Variants in PATL2 observed in about 807,000 individuals in gnomAD.
PATL2 encodes PAT1 homolog 2.
A neutral mutation model predicts 77.0 loss-of-function variants in PATL2; 73 were observed. The observed-to-expected ratio is 0.95, with a 90% CI of 0.78 to 1.15. The LOEUF is 1.15. Ranked by LOEUF, PATL2 falls within the 50% of genes most tolerant of loss-of-function variation. The probability of loss-of-function intolerance (pLI) is 0.00; values close to 1 mark genes in which losing one functional copy is unlikely to be tolerated. For missense variants in PATL2, 618 were observed against 655.4 expected (o/e 0.94, Z 0.62); for synonymous variants, 265 against 257.1 (o/e 1.03, Z -0.29).
At position 44,666,558 on chromosome 15, in the gene PATL2, T is replaced by C. The variant is rs1247118393; in HGVS notation, c.1464-17A>G. On this transcript the variant is annotated splice_polypyrimidine_tract_variant and intron_variant, in intron 16 of 17. Coordinates refer to ENST00000682850, the MANE Select transcript of PATL2 (RefSeq NM_001387263.1). Reference sequence around the variant, plus strand: ...ATGTCTGTCCTAGAGAGCATAAATATAAATATAAGCAAATAGATTTGCTTA... The same window carrying C: ...ATGTCTGTCCTAGAGAGCATAAATACAAATATAAGCAAATAGATTTGCTTA... The C allele has an allele frequency of 4.7e-6, 7 of 1,498,508 alleles. No individual in the cohort carries two copies. Among genetic ancestry groups the C allele is most frequent in the Non-Finnish European group, 5.3e-6 (6 of 1,124,998 alleles). 92.8% of individuals were successfully genotyped at this position (1,498,508 alleles called of 1,614,324 possible). A position where few individuals can be genotyped will look rare whatever the true frequency, so the allele number is the denominator to read the frequency against.
intron 3 of PATL2, among the ~76,000 whole-genome samples, chr15:44,678,848 CTT>C (rs1427969939): frequency 1.3e-5 from 2 of 152,014 alleles, no homozygotes; most frequent in African/African-American, 4.8e-5. Flanking sequence ...ATAAAACACT[CTT>C]TTATGGGGAG....
At chr15:44,674,860 C>G (rs1566855951) in intron 5 of PATL2, 1 of 152,078 alleles carries the variant, frequency 6.6e-6, no homozygotes, top group African/African-American at 2.4e-5. Flanking sequence ...TAAGCCACTG[C>G]CCCTGGCCAG....
At chr15:44,670,537 A>C (rs901183902) in intron 9 of PATL2, among the ~76,000 whole-genome samples, 3 of 152,272 alleles carry the variant, frequency 2.0e-5, no homozygotes, top group African/African-American at 7.2e-5. Flanking sequence ...CATTCCAGAA[A>C]TGATGCTGGC....
intron 3 of PATL2, among the ~76,000 whole-genome samples, chr15:44,703,153 G>A (rs551803237): frequency 1.1e-4 from 16 of 152,194 alleles, no homozygotes; most frequent in Admixed American, 5.2e-4. Flanking sequence ...GTGAGCACCC[G>A]TAGTCCCAGC....
intron 3 of PATL2, among the ~76,000 whole-genome samples, chr15:44,692,433 T>C (rs12594463): frequency 0.081 from 12,338 of 152,216 alleles, 1,231 homozygotes; most frequent in East Asian, 0.23. Context: ...GCTCTGTTGG[T>C]ACCTGCATCA....
At chr15:44,666,341 A>G (rs2085367778) in intron 17 of PATL2, 51 bp downstream of exon 17, 1 of 1,543,904 alleles carries the variant, frequency 6.5e-7, no homozygotes, top group South Asian at 1.2e-5. Context: ...GTAACAGAAC[A>G]TAGATTGGGC....
chr15:44,665,909 T>C lies in PATL2; in HGVS notation c.*44A>G, dbSNP rs2085344839. On this transcript the variant is annotated 3_prime_UTR_variant, in exon 18 of 18. Transcript: ENST00000682850. ...AAACATAGTCTATGTAGCTAGTGTC[T>C]GATGATTCAACTTCCCACATACACG... 3 of 1,550,704 alleles carry C rather than the reference T, an allele frequency of 1.9e-6. No individual in the cohort carries two copies. In the East Asian group the frequency reaches 7.3e-5, roughly 38 times the overall value.
intron 4 of PATL2, 82 bp downstream of exon 4, chr15:44,676,393 A>G (rs1443428162): frequency 8.1e-7 from 1 of 1,228,930 alleles, no homozygotes; most frequent in African/African-American, 1.5e-5. Flanking sequence ...GACTCTGGAC[A>G]TCCAATCCCA....
At chr15:44,689,353 A>G (rs1399554986) in intron 3 of PATL2, among the ~76,000 whole-genome samples, 1 of 152,222 alleles carries the variant, frequency 6.6e-6, no homozygotes, top group African/African-American at 2.4e-5. Flanking sequence ...CAACAATCCA[A>G]TTACTGGGTA....
At chr15:44,700,969 A>G (rs2086617114) in intron 3 of PATL2, among the ~76,000 whole-genome samples, 1 of 152,048 alleles carries the variant, frequency 6.6e-6, no homozygotes, top group African/African-American at 2.4e-5. Context: ...GGGGGGTTTT[A>G]TCATGAAGGG....
rs746040863 is a variant in PATL2, at chr15:44,674,240, G to A, written c.223-10C>T. The A allele has an allele frequency of 7.2e-6, 11 of 1,535,156 alleles. No individual in the cohort carries two copies. The highest frequency in any genetic ancestry group is 7.1e-6 in the Non-Finnish European group (8 of 1,134,288). The stretch of plus-strand genomic sequence containing the variant: ...AGCTAAGCAGAGCTCTCTGGAACAG[G>A]AGGGAGGAAAAACCAGGCTCAAATG... On this transcript the variant is annotated splice_polypyrimidine_tract_variant and intron_variant, in intron 5 of 17. Transcript: ENST00000682850.
intron 3 of PATL2, among the ~76,000 whole-genome samples, chr15:44,706,056 T>C (rs141153592): frequency 0.034 from 5,221 of 152,242 alleles, 300 homozygotes; most frequent in African/African-American, 0.12. Flanking sequence ...CACCTTGGCC[T>C]CCCAGAATGT....
intron 3 of PATL2, among the ~76,000 whole-genome samples, chr15:44,699,370 G>A (rs1461574552): frequency 1.3e-5 from 2 of 152,202 alleles, no homozygotes; most frequent in East Asian, 3.9e-4. Flanking sequence ...ATGAGACAGG[G>A]TCTCACTGTG....
chr15:44,687,931 G>T (rs2086298087), intron 3 of PATL2, among the ~76,000 whole-genome samples: 1 of 152,134 alleles, frequency 6.6e-6, no homozygotes, highest in South Asian at 2.1e-4. Flanking sequence ...ATCATTCCAT[G>T]CTCATGGATA....
chr15:44,675,501 A>C lies in PATL2; in HGVS notation c.207T>G (p.Ala69=). The part of the protein sequence containing the change: ...NDLGDPAVLG[A]VHNTQRALLS... ...GCCATGGTACCTGGGTGTTGTGGAC[A>C]GCACCAAGTACAGCTGGATCCCCAA... The change falls in exon 5 of 18, where the codon GCT becomes GCG. Residue 69 remains alanine, a synonymous_variant. Transcript: ENST00000682850. 1 of 1,551,524 alleles carries C rather than the reference A, an allele frequency of 6.4e-7. No homozygotes were observed.
At chr15:44,666,121 A>G (rs946341071) in intron 17 of PATL2, 150 bp from the exon 18 acceptor site, 1 of 905,138 alleles carries the variant, frequency 1.1e-6, no homozygotes, top group African/African-American at 1.7e-5. Context: ...GTTGTCCCTC[A>G]AGTATTTCTT....
rs1429460187 is a variant in PATL2 at position 44,665,942 on chromosome 15, GAACA to G, written c.*7_*10del. The stretch of plus-strand genomic sequence containing the variant: ...CAACTTCCCACATACACGTATTCCA[GAACA>G]AACAGATCAGTAAATCCAGGCAAAC... On this transcript the variant is annotated 3_prime_UTR_variant, in exon 18 of 18. Coordinates refer to ENST00000682850, the MANE Select transcript of PATL2 (RefSeq NM_001387263.1). 13 of 1,547,520 alleles carry G rather than the reference GAACA, an allele frequency of 8.4e-6. No homozygotes were observed. Among genetic ancestry groups the G allele is most frequent in the Non-Finnish European group, 1.1e-5 (13 of 1,146,028 alleles).
rs1302447445 is a variant in PATL2 at position 44,666,428 on chromosome 15, T to TC, written c.1576dup (p.Asp526GlyfsTer74). The TC allele has an allele frequency of 1.3e-6, 2 of 1,551,726 alleles. No individual in the cohort carries two copies. The highest frequency in any genetic ancestry group is 1.7e-6 in the Non-Finnish European group (2 of 1,146,998). On this transcript the variant is annotated frameshift_variant, in exon 17 of 18. Transcript: ENST00000682850. LOFTEE classifies it high-confidence loss of function. ...CTCCAGCTGCTGAACCAATTGTTTG[T>TC]CCACGTGGTGACAGAACAGGGGAAG...
chr15:44,678,409 G>A (rs1324852776), intron 3 of PATL2, among the ~76,000 whole-genome samples: 2 of 152,170 alleles, frequency 1.3e-5, no homozygotes, highest in African/African-American at 2.4e-5. Context: ...CCCTGCCCTG[G>A]CTGTTTGGAG....
Sources: gnomAD v4.1 joint callset for allele counts (sites outside exome capture counted in the v4.1 genomes callset) on GRCh38, gnomAD v4.1.1 for gene constraint, MANE v1.5 for transcripts, NCBI Gene and HGNC (gene_info 2026-07-23, HGNC 2026-07-21) for gene names.